Variants in KCNIP1 observed in about 807,000 individuals in gnomAD.
The protein encoded by KCNIP1 is A-type potassium channel modulatory protein KCNIP1.
KCNIP1 carries 18 observed loss-of-function variants against 33.0 expected under a neutral mutation model. The observed-to-expected ratio is 0.55, with a 90% CI of 0.38 to 0.81. KCNIP1 has a LOEUF of 0.81. Ranked by LOEUF, KCNIP1 falls within the 30% of genes least tolerant of loss-of-function variation. The probability of loss-of-function intolerance (pLI) is 0.00; values close to 1 mark genes in which losing one functional copy is unlikely to be tolerated. For missense variants in KCNIP1, 238 were observed against 271.6 expected, an observed-to-expected ratio of 0.88 and a Z score of 0.87; for synonymous variants, 93 against 98.3, an observed-to-expected ratio of 0.95 and a Z score of 0.32.
intron 1 of KCNIP1, among the ~76,000 whole-genome samples, chr5:170,696,320 T>G (rs185088505): frequency 6.6e-6 from 1 of 152,184 alleles, no homozygotes; most frequent in Non-Finnish European, 1.5e-5. Context: ...GGGACCATGT[T>G]GCTGATGCCT....
At chr5:170,448,898 C>T (rs1260713955) in intron 1 of KCNIP1, among the ~76,000 whole-genome samples, 4 of 152,230 alleles carry the variant, frequency 2.6e-5, no homozygotes, top group South Asian at 2.1e-4. Flanking sequence ...TAATTGTTCC[C>T]GTATTACAGA....
chr5:170,669,028 C>T (rs1761816952), intron 1 of KCNIP1, among the ~76,000 whole-genome samples: 1 of 152,210 alleles, frequency 6.6e-6, no homozygotes, highest in South Asian at 2.1e-4. Flanking sequence ...AGCCCCACAG[C>T]CCTCCTGCTT....
At chr5:170,525,985 G>A (rs1315152546) in intron 1 of KCNIP1, among the ~76,000 whole-genome samples, 7 of 152,202 alleles carry the variant, frequency 4.6e-5, no homozygotes, top group Non-Finnish European at 7.3e-5. Context: ...GTCCTGGGGC[G>A]ACATGTCTGC....
rs75095598 is a variant in KCNIP1, at chr5:170,365,618, C to T, written c.88+11654C>T. Among the ~76,000 whole-genome samples, 263 of 152,296 alleles carry T rather than the reference C, an allele frequency of 1.7e-3. 1 individual carries two copies. Among genetic ancestry groups the T allele is most frequent in the African/African-American group, 6.0e-3 (249 of 41,564 alleles). Reference sequence around the variant, plus strand: ...AGGGCATGAAGTGAGCAGTCACCAGCGAAGGCATCTGGGGGCTGCAGACGC... The same window carrying T: ...AGGGCATGAAGTGAGCAGTCACCAGTGAAGGCATCTGGGGGCTGCAGACGC... On this transcript the variant is annotated intron_variant, in intron 1 of 7. Transcript: ENST00000377360.
chr5:170,563,422 CA>C (rs1338508633), intron 1 of KCNIP1, among the ~76,000 whole-genome samples: 2 of 152,174 alleles, frequency 1.3e-5, no homozygotes, highest in African/African-American at 4.8e-5. Flanking sequence ...TGCTCACACA[CA>C]GGGCTTCCTC....
intron 1 of KCNIP1, among the ~76,000 whole-genome samples, chr5:170,695,661 T>C (rs776473801): frequency 9.2e-5 from 14 of 152,214 alleles, no homozygotes; most frequent in Non-Finnish European, 1.9e-4. Context: ...AACTTGACAC[T>C]TCTGCTTCCC....
chr5:170,633,826 C>T (rs1370265898), intron 1 of KCNIP1, among the ~76,000 whole-genome samples: 5 of 150,786 alleles, frequency 3.3e-5, no homozygotes, highest in African/African-American at 9.8e-5. Context: ...TTATGCTGCA[C>T]GAGAAGGAGA....
rs1763829321 is a variant in KCNIP1, at chr5:170,721,672, C to A, written c.257-161C>A. 17 of 1,498,520 alleles carry A rather than the reference C, an allele frequency of 1.1e-5. No individual in the cohort carries two copies. In the South Asian group the frequency reaches 2.0e-4, roughly 18 times the overall value. 92.8% of individuals were successfully genotyped at this position (1,498,520 alleles called of 1,614,324 possible). A position where few individuals can be genotyped will look rare whatever the true frequency, so the allele number is the denominator to read the frequency against. On this transcript the variant is annotated intron_variant, in intron 3 of 7. Transcript: ENST00000328939. Reference sequence around the variant, plus strand: ...TGCTAGATCTAACTTCACACCCAAACCCAAAGAGTTGAGTCAATGGGCCCC... The same window carrying A: ...TGCTAGATCTAACTTCACACCCAAAACCAAAGAGTTGAGTCAATGGGCCCC...
chr5:170,581,541 G>C (rs1208367094), intron 1 of KCNIP1, among the ~76,000 whole-genome samples: 1 of 152,238 alleles, frequency 6.6e-6, no homozygotes, highest in Non-Finnish European at 1.5e-5. Context: ...TATGATGTCT[G>C]CTTTGGACAC....
chr5:170,414,183 T>A (rs1319128485), intron 1 of KCNIP1, among the ~76,000 whole-genome samples: 9 of 152,228 alleles, frequency 5.9e-5, no homozygotes, highest in African/African-American at 2.2e-4. Flanking sequence ...GGTCTGTATG[T>A]CATATCTAAT....
chr5:170,381,638 G>A (rs916714209), intron 1 of KCNIP1, among the ~76,000 whole-genome samples: 1 of 152,198 alleles, frequency 6.6e-6, no homozygotes, highest in African/African-American at 2.4e-5. Flanking sequence ...TCAAGCCTGG[G>A]CGGCAGGGGA....
chr5:170,722,932 T>C (rs954940498), intron 5 of KCNIP1, 112 bp downstream of exon 5: 3 of 687,082 alleles, frequency 4.4e-6, no homozygotes, highest in African/African-American at 3.6e-5. Context: ...AGGCTCTGCT[T>C]TGGGGCTAAC....
At chr5:170,541,129 A>G (rs13170324) in intron 1 of KCNIP1, among the ~76,000 whole-genome samples, 1 of 151,582 alleles carries the variant, frequency 6.6e-6, no homozygotes, top group African/African-American at 2.4e-5. Context: ...AGGCCCTTCC[A>G]CTCTCTGAGC....
In KCNIP1 at chr5:170,424,258, C is replaced by T. The variant is rs932055176; in HGVS notation, c.88+70294C>T. Among the ~76,000 whole-genome samples the T allele has an allele frequency of 6.6e-5, 10 of 152,208 alleles. No individual in the cohort carries two copies. The East Asian group carries it at 9.6e-4, about 15-fold the overall frequency. ...GCACGAAGCTGCCATTTATCGAAGGCCTACTTTGCACATGTCCCATTGGGC... is the reference window on the plus strand; with the variant it reads ...GCACGAAGCTGCCATTTATCGAAGGTCTACTTTGCACATGTCCCATTGGGC... On this transcript the variant is annotated intron_variant, in intron 1 of 7. Transcript: ENST00000377360.
intron 1 of KCNIP1, among the ~76,000 whole-genome samples, chr5:170,590,161 G>A (rs1191111807): frequency 3.9e-5 from 6 of 152,142 alleles, no homozygotes; most frequent in Non-Finnish European, 8.8e-5. Context: ...CTGCAGGGAT[G>A]GCCTTGAAGG....
chr5:170,429,442 T>C (rs1346558317), intron 1 of KCNIP1, among the ~76,000 whole-genome samples: 3 of 152,186 alleles, frequency 2.0e-5, no homozygotes, highest in African/African-American at 4.8e-5. Context: ...ATGCTTTTTA[T>C]TCCCCTGACA....
chr5:170,650,950 C>T (rs1761022217), intron 1 of KCNIP1, among the ~76,000 whole-genome samples: 1 of 152,166 alleles, frequency 6.6e-6, no homozygotes, highest in Admixed American at 6.5e-5. Flanking sequence ...CTCTATTTTC[C>T]ACTAAGGAAT....
chr5:170,593,844 G>T (rs1042056479), intron 1 of KCNIP1, among the ~76,000 whole-genome samples: 2 of 152,128 alleles, frequency 1.3e-5, no homozygotes, highest in Non-Finnish European at 2.9e-5. Context: ...TACATGTTTG[G>T]GGGCCTTCCC....
chr5:170,708,825 G>C (rs1763349741), intron 1 of KCNIP1, among the ~76,000 whole-genome samples: 1 of 152,166 alleles, frequency 6.6e-6, no homozygotes, highest in African/African-American at 2.4e-5. Context: ...CTTGAGCCTG[G>C]GAGGCAGAGG....
Sources: gnomAD v4.1 joint callset for allele counts (sites outside exome capture counted in the v4.1 genomes callset) on GRCh38, gnomAD v4.1.1 for gene constraint, MANE v1.5 for transcripts, NCBI Gene and HGNC (gene_info 2026-07-23, HGNC 2026-07-21) for gene names.